The following IFT74 variants were observed in gnomAD, a reference collection of about 807,000 sequenced individuals.
The protein encoded by IFT74 is intraflagellar transport 74.
A neutral mutation model predicts 96.7 loss-of-function variants in IFT74; 92 were observed. The observed-to-expected ratio is 0.95, with a 90% CI of 0.80 to 1.13. The LOEUF (loss-of-function observed/expected upper bound fraction) is 1.13. IFT74 is among the 50% of genes most tolerant of loss of function. The probability of loss-of-function intolerance (pLI) is 0.00; values close to 1 mark genes in which losing one functional copy is unlikely to be tolerated. For synonymous variants in IFT74, 223 were observed against 213.2 expected, an observed-to-expected ratio of 1.05 and a Z score of -0.40; for missense variants, 811 against 698.2, an observed-to-expected ratio of 1.16 and a Z score of -1.82.
intron 13 of IFT74, among the ~76,000 whole-genome samples, chr9:27,029,605 G>A (rs113969825): frequency 0.099 from 15,120 of 152,116 alleles, 998 homozygotes; most frequent in South Asian, 0.25. Context: ...AAAATTAGCC[G>A]GGCGTGGTGG....
intron 4 of IFT74, 55 bp downstream of exon 4, chr9:26,980,674 T>G (rs1012237214): frequency 8.9e-7 from 1 of 1,128,728 alleles, no homozygotes; most frequent in African/African-American, 1.5e-5. Context: ...TTGTGTACCT[T>G]CTGTCAAAAT....
At chr9:27,052,723 A>G (rs976187277) in intron 16 of IFT74, among the ~76,000 whole-genome samples, 1 of 152,088 alleles carries the variant, frequency 6.6e-6, no homozygotes, top group Non-Finnish European at 1.5e-5. Flanking sequence ...TCAACCAACC[A>G]TATAATTTAT....
intron 8 of IFT74, among the ~76,000 whole-genome samples, chr9:27,007,407 G>A (rs1418984614): frequency 6.6e-6 from 1 of 152,104 alleles, no homozygotes; most frequent in Non-Finnish European, 1.5e-5. Context: ...ATTCCACTGG[G>A]CTTCAGTATC....
rs1279975591 is a variant in IFT74 at position 26,956,518 on chromosome 9, T to C, written c.-20+2T>C. 6.6e-6 allele frequency: 1 copy of C among 152,232 alleles called. No homozygotes were observed. The highest frequency in any genetic ancestry group is 1.5e-5 in the Non-Finnish European group (1 of 68,100). 9.4% of individuals were successfully genotyped at this position (152,232 alleles called of 1,614,324 possible). Reference sequence around the variant, plus strand: ...TGCCCTCCTTCCGCGCCGGCGGAGGTGAGAATCCCCGGGTCCCATCTCTTC... The same window carrying C: ...TGCCCTCCTTCCGCGCCGGCGGAGGCGAGAATCCCCGGGTCCCATCTCTTC... On this transcript the variant is annotated splice_donor_variant, in intron 1 of 19. Coordinates refer to ENST00000380062, the MANE Select transcript of IFT74 (RefSeq NM_025103.4). LOFTEE classifies it low-confidence loss of function (5UTR_SPLICE).
Position 26,990,661 on chromosome 9 carries a change from A to G in IFT74, c.587+466A>G, listed in dbSNP as rs374494026. Among the ~76,000 whole-genome samples, 20 of 152,334 alleles carry G rather than the reference A, an allele frequency of 1.3e-4. No individual in the cohort carries two copies. The South Asian group carries it at 2.3e-3, about 17-fold the overall frequency. On this transcript the variant is annotated intron_variant, in intron 8 of 19. Coordinates refer to ENST00000380062, the MANE Select transcript of IFT74 (RefSeq NM_025103.4). ...GTATGTGTGTCTTTATATATAACCTATCTAAAGACTAAATACCAACTAACG... is the reference window on the plus strand; with the variant it reads ...GTATGTGTGTCTTTATATATAACCTGTCTAAAGACTAAATACCAACTAACG...
intron 8 of IFT74, among the ~76,000 whole-genome samples, chr9:26,997,227 T>A (rs1011246432): frequency 2.6e-5 from 4 of 150,992 alleles, no homozygotes; most frequent in African/African-American, 4.9e-5. Flanking sequence ...AAAAAAAAAA[T>A]TTCTTAATTT....
chr9:27,028,396 G>A (rs563542505), intron 12 of IFT74, among the ~76,000 whole-genome samples: 4 of 152,096 alleles, frequency 2.6e-5, no homozygotes, highest in Non-Finnish European at 5.9e-5. Flanking sequence ...AAGTTGGGAG[G>A]GGGTGTGCTG....
chr9:26,977,290 T>A (rs1827171384), intron 2 of IFT74, among the ~76,000 whole-genome samples: 1 of 152,114 alleles, frequency 6.6e-6, no homozygotes, highest in Admixed American at 6.5e-5. Flanking sequence ...TCCAGCCTTT[T>A]TTTGTTTTAA....
chr9:27,043,788 C>T (rs1819576848), intron 13 of IFT74, among the ~76,000 whole-genome samples: 1 of 152,206 alleles, frequency 6.6e-6, no homozygotes, highest in African/African-American at 2.4e-5. Context: ...CACTCTGGCT[C>T]TTAAATGTCA....
chr9:27,057,091 C>G (rs1379883136), intron 18 of IFT74, among the ~76,000 whole-genome samples: 4 of 152,016 alleles, frequency 2.6e-5, no homozygotes, highest in Admixed American at 2.0e-4. Flanking sequence ...TAATGATATT[C>G]TAGTGCATGG....
At chr9:26,953,694 A>G (rs1047815565), upstream of IFT74, among the ~76,000 whole-genome samples, 4 of 149,222 alleles carry the variant, frequency 2.7e-5, no homozygotes, top group African/African-American at 9.9e-5. Context: ...CATTTTTTGT[A>G]GGGGGGGGGT....
intron 13 of IFT74, among the ~76,000 whole-genome samples, chr9:27,035,487 T>C (rs1474608837): frequency 6.6e-6 from 1 of 152,236 alleles, no homozygotes; most frequent in African/African-American, 2.4e-5. Context: ...ATCTGAAACT[T>C]GTTAGAAATG....
At chr9:27,028,866 C>A in intron 12 of IFT74, 159 bp from the exon 13 acceptor site, 1 of 571,624 alleles carries the variant, frequency 1.7e-6, no homozygotes, top group Non-Finnish European at 2.9e-6. Flanking sequence ...TAAAAGATAT[C>A]CTAATGTCAT....
chr9:26,970,598 G>A (rs1311048896), intron 2 of IFT74, among the ~76,000 whole-genome samples: 1 of 152,224 alleles, frequency 6.6e-6, no homozygotes, highest in Non-Finnish European at 1.5e-5. Context: ...AGGTCTCACA[G>A]TTATGCTTGC....
At chr9:26,947,224 C>T (rs1825765387) in intron 1 of IFT74, 1 of 652,226 alleles carries the variant, frequency 1.5e-6, no homozygotes, top group Non-Finnish European at 2.5e-6. Context: ...CCGAGCGGGC[C>T]GAGTGACACA....
chr9:26,963,810 G>GT (rs1319723236), intron 2 of IFT74, among the ~76,000 whole-genome samples: 7 of 152,136 alleles, frequency 4.6e-5, no homozygotes, highest in Admixed American at 3.9e-4. Flanking sequence ...GGGGTTGTTT[G>GT]TTTTTTTCTT....
chr9:27,029,733 A>G (rs1198981863), intron 13 of IFT74, among the ~76,000 whole-genome samples: 1 of 152,224 alleles, frequency 6.6e-6, no homozygotes, highest in Non-Finnish European at 1.5e-5. Context: ...GGGCCACAAG[A>G]GTGAAACTCG....
At chr9:27,046,243 A>T (rs1021132912) in intron 14 of IFT74, among the ~76,000 whole-genome samples, 8 of 152,202 alleles carry the variant, frequency 5.3e-5, no homozygotes, top group Non-Finnish European at 1.0e-4. Flanking sequence ...GCAGGACATT[A>T]AAGAAAATTC....
chr9:27,010,711 GC>G (rs918733966), intron 9 of IFT74, among the ~76,000 whole-genome samples: 3 of 147,856 alleles, frequency 2.0e-5, no homozygotes, highest in African/African-American at 2.5e-5. Context: ...CAGGTGATCC[GC>G]CCCCCTCGGC....
Sources: allele counts gnomAD v4.1 joint callset (sites outside exome capture counted in the v4.1 genomes callset), GRCh38; gene constraint gnomAD v4.1.1; transcripts MANE v1.5; gene names NCBI Gene and HGNC (gene_info 2026-07-23, HGNC 2026-07-21).